The following SYT1 variants were observed in gnomAD, a reference collection of about 807,000 sequenced individuals.
SYT1 encodes synaptotagmin-1.
SYT1 carries 8 observed loss-of-function variants against 44.8 expected under a neutral mutation model. The observed-to-expected ratio is 0.18, with a 90% CI of 0.10 to 0.32. The LOEUF (loss-of-function observed/expected upper bound fraction) is 0.32, where lower values mean the gene tolerates loss of function less well. Among genes scored for constraint, SYT1 ranks in the 10% least tolerant of loss-of-function variants. The pLI, the probability that SYT1 is intolerant of heterozygous loss-of-function variation, is 1.00. For missense variants in SYT1, 286 were observed against 509.3 expected (o/e 0.56, Z 4.22); for synonymous variants, 154 against 188.8 (o/e 0.82, Z 1.51).
chr12:79,415,981 G>A (rs1868714535), intron 9 of SYT1, among the ~76,000 whole-genome samples: 1 of 152,160 alleles, frequency 6.6e-6, no homozygotes, highest in Non-Finnish European at 1.5e-5. Flanking sequence ...TTTTGATAAC[G>A]AAGCTGTTTA....
At chr12:79,155,403 T>A (rs1281633443) in intron 3 of SYT1, among the ~76,000 whole-genome samples, 1 of 152,186 alleles carries the variant, frequency 6.6e-6, no homozygotes, top group Non-Finnish European at 1.5e-5. Flanking sequence ...ATCCCAGTGT[T>A]AATATAGAAA....
chr12:79,331,868 G>T (rs1299193502), intron 8 of SYT1, among the ~76,000 whole-genome samples: 2 of 151,998 alleles, frequency 1.3e-5, no homozygotes, highest in African/African-American at 4.8e-5. Context: ...AAGTTATCTG[G>T]TGAAATTGAT....
At chr12:78,985,211 C>T (rs998211175) in intron 2 of SYT1, among the ~76,000 whole-genome samples, 3 of 151,718 alleles carry the variant, frequency 2.0e-5, no homozygotes, top group African/African-American at 7.3e-5. Flanking sequence ...CAATGAAGAA[C>T]TATTCCACTG....
chr12:78,961,925 A>T (rs907309441), intron 1 of SYT1, among the ~76,000 whole-genome samples: 1 of 152,212 alleles, frequency 6.6e-6, no homozygotes, highest in Non-Finnish European at 1.5e-5. Flanking sequence ...AACCAATCAA[A>T]GATAAAAGGT....
At chr12:79,320,036 G>A (rs77429475) in intron 8 of SYT1, among the ~76,000 whole-genome samples, 78 of 152,230 alleles carry the variant, frequency 5.1e-4, no homozygotes, top group Non-Finnish European at 8.8e-4. Context: ...AATGTTTTAC[G>A]TGCTTAGAGT....
intron 9 of SYT1, among the ~76,000 whole-genome samples, chr12:79,360,323 T>C (rs541109361): frequency 1.3e-5 from 2 of 152,316 alleles, no homozygotes; most frequent in Admixed American, 6.5e-5. Flanking sequence ...CTGGCCCACA[T>C]GTCTAAATTA....
At chr12:79,179,536 TA>T (rs1872367190) in intron 3 of SYT1, among the ~76,000 whole-genome samples, 1 of 135,720 alleles carries the variant, frequency 7.4e-6, no homozygotes, top group Non-Finnish European at 1.5e-5. Context: ...GATATAGATA[TA>T]GATATAGAGA....
chr12:79,322,464 G>T (rs1481455393), intron 8 of SYT1, among the ~76,000 whole-genome samples: 1 of 152,084 alleles, frequency 6.6e-6, no homozygotes, highest in East Asian at 1.9e-4. Flanking sequence ...CCAAATGTGG[G>T]TCATCATACA....
intron 4 of SYT1, among the ~76,000 whole-genome samples, chr12:79,283,767 C>T (rs1879167912): frequency 6.6e-6 from 1 of 151,834 alleles, no homozygotes; most frequent in African/African-American, 2.4e-5. Flanking sequence ...ATTTAGAGAA[C>T]TGGAAGAAAA....
chr12:78,876,784 A>ATAATACATATAATATATTATATG (rs1874125486), intron 1 of SYT1, among the ~76,000 whole-genome samples: 1 of 84,830 alleles, frequency 1.2e-5, no homozygotes, highest in Non-Finnish European at 2.2e-5. Flanking sequence ...TATATATTAT[A>ATAATACATATAATATATTATATG]TAATACATAT....
intron 3 of SYT1, among the ~76,000 whole-genome samples, chr12:79,139,911 TATGCAGC>T (rs1869450425): frequency 6.6e-6 from 1 of 152,224 alleles, no homozygotes. Flanking sequence ...TGCTGCCACG[TATGCAGC>T]ATTTTAGGTG....
intron 3 of SYT1, among the ~76,000 whole-genome samples, chr12:79,065,385 T>G (rs1249226803): frequency 6.6e-6 from 1 of 152,076 alleles, no homozygotes; most frequent in African/African-American, 2.4e-5. Flanking sequence ...AGCGAGACTC[T>G]GTCCCAAAAG....
chr12:79,329,878 G>A (rs59963861), intron 8 of SYT1, among the ~76,000 whole-genome samples: 16,927 of 152,114 alleles, frequency 0.11, 1,401 homozygotes, highest in African/African-American at 0.23. Flanking sequence ...TAGAGAAGGT[G>A]GCTTGCTTTT....
At chr12:78,899,714 T>A (rs903914093) in intron 1 of SYT1, among the ~76,000 whole-genome samples, 4 of 151,998 alleles carry the variant, frequency 2.6e-5, no homozygotes, top group East Asian at 3.9e-4. Flanking sequence ...TTAGCATAAT[T>A]GGATTTTGTG....
chr12:78,936,656 A>G (rs942123618), intron 1 of SYT1, among the ~76,000 whole-genome samples: 1 of 152,064 alleles, frequency 6.6e-6, no homozygotes, highest in African/African-American at 2.4e-5. Context: ...TATTTTTCTG[A>G]CTTTAACCGA....
chr12:79,007,434 T>G (rs780086290), intron 2 of SYT1, among the ~76,000 whole-genome samples: 5 of 152,132 alleles, frequency 3.3e-5, no homozygotes, highest in African/African-American at 7.2e-5. Context: ...ATTATTGTAT[T>G]TTTTTGTAGT....
intron 3 of SYT1, among the ~76,000 whole-genome samples, chr12:79,053,272 C>T (rs911651658): frequency 6.6e-6 from 1 of 152,070 alleles, no homozygotes; most frequent in Non-Finnish European, 1.5e-5. Flanking sequence ...AAACCAAATA[C>T]CGCATGTTCT....
At chr12:79,139,079 C>T (rs1207013506) in intron 3 of SYT1, among the ~76,000 whole-genome samples, 1 of 152,208 alleles carries the variant, frequency 6.6e-6, no homozygotes, top group Non-Finnish European at 1.5e-5. Context: ...GCGTTGCCTA[C>T]ACATGTCCCG....
At chr12:79,117,441 G>A (rs554839180) in intron 3 of SYT1, among the ~76,000 whole-genome samples, 2 of 151,500 alleles carry the variant, frequency 1.3e-5, no homozygotes, top group Non-Finnish European at 2.9e-5. Flanking sequence ...ACTGCTGACT[G>A]CAGTTCCACA....
Sources: allele counts gnomAD v4.1 joint callset (sites outside exome capture counted in the v4.1 genomes callset), GRCh38; gene constraint gnomAD v4.1.1; transcripts MANE v1.5; gene names NCBI Gene and HGNC (gene_info 2026-07-23, HGNC 2026-07-21).